NOSTRIN: variants seen among roughly 807,000 people sequenced by gnomAD.
NOSTRIN encodes BM247 homolog.
In NOSTRIN, 63 loss-of-function variants were observed where a neutral mutation model predicts 59.0. The observed-to-expected ratio is 1.07, with a 90% CI of 0.87 to 1.32. NOSTRIN has a LOEUF of 1.32. Among genes scored for constraint, NOSTRIN ranks in the 40% most tolerant of loss-of-function variants. The pLI, the probability that NOSTRIN is intolerant of heterozygous loss-of-function variation, is 0.00. For synonymous variants in NOSTRIN, 200 were observed against 165.4 expected, an observed-to-expected ratio of 1.21 and a Z score of -1.61; for missense variants, 512 against 473.1, an observed-to-expected ratio of 1.08 and a Z score of -0.76.
At chr2:168,813,485 G>A (rs1045578760) in intron 2 of NOSTRIN, among the ~76,000 whole-genome samples, 20 of 152,008 alleles carry the variant, frequency 1.3e-4, no homozygotes, top group Admixed American at 7.2e-4. Context: ...CCTTGCCACC[G>A]ACATCTACTT....
intron 2 of NOSTRIN, among the ~76,000 whole-genome samples, chr2:168,813,212 C>G (rs1319469450): frequency 6.6e-6 from 1 of 152,178 alleles, no homozygotes; most frequent in East Asian, 1.9e-4. Flanking sequence ...GATTAGAAAG[C>G]CACCTTCTGC....
At chr2:168,863,277 G>T in intron 15 of NOSTRIN, 1 of 373,194 alleles carries the variant, frequency 2.7e-6, no homozygotes, top group Non-Finnish European at 3.7e-6. Flanking sequence ...TGACGAGGGA[G>T]AACTTAGAGA....
intron 2 of NOSTRIN, among the ~76,000 whole-genome samples, chr2:168,823,174 A>G (rs830022): frequency 0.97 from 147,309 of 152,140 alleles, 71,353 homozygotes; most frequent in East Asian, 1. Flanking sequence ...GAGCCACCAC[A>G]CCTGGCTAAT....
chr2:168,845,343 C>A (rs1559132230), intron 8 of NOSTRIN, among the ~76,000 whole-genome samples: 1 of 152,188 alleles, frequency 6.6e-6, no homozygotes, highest in Non-Finnish European at 1.5e-5. Context: ...AGAGACATTT[C>A]TGCTCCCACT....
At chr2:168,795,575 C>T (rs1685457509), upstream of NOSTRIN, among the ~76,000 whole-genome samples, 1 of 152,138 alleles carries the variant, frequency 6.6e-6, no homozygotes, top group Non-Finnish European at 1.5e-5. Flanking sequence ...TCTCCATTAA[C>T]ACCTGGAGTT....
chr2:168,838,236 G>T (rs1282308065), intron 7 of NOSTRIN, among the ~76,000 whole-genome samples: 1 of 152,072 alleles, frequency 6.6e-6, no homozygotes, highest in Non-Finnish European at 1.5e-5. Context: ...TGTGTTCTCT[G>T]TGTCTTTGAA....
At chr2:168,857,481 A>G (rs1689195274) in intron 12 of NOSTRIN, among the ~76,000 whole-genome samples, 1 of 152,170 alleles carries the variant, frequency 6.6e-6, no homozygotes, top group East Asian at 1.9e-4. Context: ...TAGAAGAGGC[A>G]GGGAGGTGGG....
chr2:168,802,715 G>A (rs781734007), intron 1 of NOSTRIN, 42 bp downstream of exon 1: 3 of 861,282 alleles, frequency 3.5e-6, no homozygotes, highest in East Asian at 4.8e-5. Flanking sequence ...GTGTGAGGAG[G>A]GTGGAGGGTG....
chr2:168,850,737 A>AC, intron 8 of NOSTRIN: 1 of 688,890 alleles, frequency 1.5e-6, no homozygotes, highest in Non-Finnish European at 2.5e-6. Context: ...ACATGGTGAA[A>AC]CCCCATCTCT....
chr2:168,811,497 G>A (rs1400211125), intron 1 of NOSTRIN, 70 bp from the exon 2 acceptor site: 3 of 609,548 alleles, frequency 4.9e-6, no homozygotes, highest in Non-Finnish European at 5.8e-6. Flanking sequence ...GAATTTATAG[G>A]TGCTCTATCT....
chr2:168,847,232 A>G (rs1688486605), intron 8 of NOSTRIN, among the ~76,000 whole-genome samples: 3 of 152,228 alleles, frequency 2.0e-5, no homozygotes, highest in South Asian at 2.1e-4. Flanking sequence ...AAAATCATAC[A>G]TATACACATA....
intron 11 of NOSTRIN, 106 bp from the exon 12 acceptor site, chr2:168,856,584 A>AAC: frequency 1.0e-6 from 1 of 975,382 alleles, no homozygotes; most frequent in East Asian, 2.5e-5. Context: ...TAAAAAAAAA[A>AAC]ATCTCACTGG....
upstream of NOSTRIN, among the ~76,000 whole-genome samples, chr2:168,799,006 G>A (rs1685553482): frequency 6.6e-6 from 1 of 152,160 alleles, no homozygotes. Context: ...TCTTGTTCCT[G>A]ACTAGCTGCC....
At chr2:168,795,279 G>A (rs1180293967), upstream of NOSTRIN, among the ~76,000 whole-genome samples, 1 of 152,190 alleles carries the variant, frequency 6.6e-6, no homozygotes, top group Non-Finnish European at 1.5e-5. Context: ...CATTTAAATT[G>A]AGATTTGTAA....
At chr2:168,863,681 A>AAAC in intron 15 of NOSTRIN, 1 of 980,352 alleles carries the variant, frequency 1.0e-6, no homozygotes, top group Non-Finnish European at 1.2e-6. Context: ...TGAGTGAGTT[A>AAAC]AACTTTTGGC....
At chr2:168,815,977 T>TA (rs1327029798) in intron 2 of NOSTRIN, among the ~76,000 whole-genome samples, 1 of 152,216 alleles carries the variant, frequency 6.6e-6, no homozygotes, top group Non-Finnish European at 1.5e-5. Flanking sequence ...ATTTCTCTCT[T>TA]TGAAACCCCT....
Position 168,864,879 on chromosome 2 carries a change from T to G in NOSTRIN, c.1430T>G (p.Phe477Cys), listed in dbSNP as rs1445718655. The change falls in exon 16 of 16, where the codon TTT (phenylalanine) becomes TGT (cysteine). Residue 477 changes from phenylalanine to cysteine, a missense_variant. Physicochemically the swap from Phe to Cys is radical, Grantham distance 205. Transcript: ENST00000317647. The stretch of plus-strand genomic sequence containing the variant: ...GAGAAAAAAGAAGGAGGATGGTGGT[T>G]TGGATCTTTGAATGGGAAAAAAGGC... ...IHEKKEGGWW[F>C]GSLNGKKGHF... 1.9e-6 allele frequency: 3 copies of G among 1,613,924 alleles called. No individual in the cohort carries two copies. Among genetic ancestry groups the G allele is most frequent in the Non-Finnish European group, 2.5e-6 (3 of 1,179,976 alleles).
intron 12 of NOSTRIN, among the ~76,000 whole-genome samples, chr2:168,857,150 G>C (rs970324014): frequency 6.6e-6 from 1 of 152,168 alleles, no homozygotes; most frequent in Non-Finnish European, 1.5e-5. Context: ...ACAGGGACCT[G>C]GGTCAACTTT....
intron 2 of NOSTRIN, among the ~76,000 whole-genome samples, chr2:168,792,244 G>A (rs1337108884): frequency 1.3e-5 from 2 of 151,964 alleles, no homozygotes; most frequent in South Asian, 2.1e-4. Context: ...TTAAAATGAG[G>A]ATGCCATCTA....
Sources: allele counts gnomAD v4.1 joint callset (sites outside exome capture counted in the v4.1 genomes callset), GRCh38; gene constraint gnomAD v4.1.1; transcripts MANE v1.5; gene names NCBI Gene and HGNC (gene_info 2026-07-23, HGNC 2026-07-21).